LMBRD1: variants seen among roughly 807,000 people sequenced by gnomAD.
LMBRD1 encodes LMBR1 domain containing 1, also known as lysosomal cobalamin transport escort protein LMBD1.
In LMBRD1, 64 loss-of-function variants were observed where a neutral mutation model predicts 74.8. The observed-to-expected ratio is 0.86, with a 90% CI of 0.70 to 1.05. LMBRD1 has a LOEUF of 1.05. Ranked by LOEUF, LMBRD1 falls within the 50% of genes least tolerant of loss-of-function variation. LMBRD1 has a pLI of 0.00. For synonymous variants in LMBRD1, 204 were observed against 216.3 expected (o/e 0.94, Z 0.50); for missense variants, 652 against 645.9 (o/e 1.01, Z -0.10).
chr6:69,705,232 G>T, intron 9 of LMBRD1: 1 of 654,272 alleles, frequency 1.5e-6, no homozygotes, highest in Non-Finnish European at 2.9e-6. Flanking sequence ...GATATCAACT[G>T]CTACAGAAAT....
intron 3 of LMBRD1, among the ~76,000 whole-genome samples, chr6:69,756,018 G>T (rs942079969): frequency 6.6e-6 from 1 of 152,086 alleles, no homozygotes; most frequent in African/African-American, 2.4e-5. Context: ...TCAATAAAAA[G>T]ACAACTTTTT....
chr6:69,701,572 T>C, intron 10 of LMBRD1, 27 bp from the exon 11 acceptor site: 3 of 1,377,616 alleles, frequency 2.2e-6, no homozygotes, highest in Non-Finnish European at 3.1e-6. Context: ...AGAATGAAAT[T>C]TATGTTATAC....
At chr6:69,745,647 ACAT>A (rs1363176275) in intron 5 of LMBRD1, among the ~76,000 whole-genome samples, 1 of 152,186 alleles carries the variant, frequency 6.6e-6, no homozygotes, top group Admixed American at 6.5e-5. Context: ...AACACCTGAA[ACAT>A]CATATTACCC....
chr6:69,679,182 T>C (rs1765611406), intron 14 of LMBRD1, among the ~76,000 whole-genome samples: 1 of 152,166 alleles, frequency 6.6e-6, no homozygotes, highest in African/African-American at 2.4e-5. Flanking sequence ...AGAGTCTTTC[T>C]TCTCTTTATC....
chr6:69,771,824 T>C (rs1765583222), intron 3 of LMBRD1, among the ~76,000 whole-genome samples: 1 of 152,092 alleles, frequency 6.6e-6, no homozygotes, highest in African/African-American at 2.4e-5. Context: ...AAGACAGACT[T>C]CTGTGATAAC....
rs776873122 is a variant in LMBRD1 at position 69,675,574 on chromosome 6, T to G, written c.*584A>C. Among the ~76,000 whole-genome samples the G allele has an allele frequency of 2.0e-5, 3 of 152,182 alleles. No individual in the cohort carries two copies. Among genetic ancestry groups the G allele is most frequent in the Non-Finnish European group, 4.4e-5 (3 of 68,026 alleles). ...ACTGTAGAGGTTGTAAGTTATCTAA[T>G]GGACTGATATTTGAACAATATAACA... On this transcript the variant is annotated 3_prime_UTR_variant, in exon 16 of 16. Coordinates refer to ENST00000649934, the MANE Select transcript of LMBRD1 (RefSeq NM_018368.4).
chr6:69,680,096 A>C (rs184006513), intron 14 of LMBRD1, among the ~76,000 whole-genome samples: 1 of 152,266 alleles, frequency 6.6e-6, no homozygotes, highest in East Asian at 1.9e-4. Context: ...AAATTTGTAT[A>C]ATCAGTATCA....
intron 5 of LMBRD1, among the ~76,000 whole-genome samples, chr6:69,747,837 T>G (rs185558497): frequency 1.3e-5 from 2 of 152,228 alleles, no homozygotes; most frequent in African/African-American, 4.8e-5. Flanking sequence ...CTAGTTTTAT[T>G]AGCAAAAGCA....
Position 69,790,354 on chromosome 6 carries a change from A to G in LMBRD1, c.188T>C (p.Leu63Pro). ...AACCAAAAATATATCCACTGGTAGA[A>G]GTGCTGATGTGATAAGTGCAATTGC... The part of the protein sequence containing the change: ...SLAIALITSA[L>P]LPVDIFLVSY... The change falls in exon 2 of 16, where the codon CTT becomes CCT. Residue 63 changes from leucine (L) to proline (P), a missense_variant. Physicochemically the swap from Leu to Pro is moderately conservative, Grantham distance 98 (BLOSUM62 -3). Transcript: ENST00000649934. 6.2e-7 allele frequency: 1 copy of G among 1,613,606 alleles called. No homozygotes were observed. Among genetic ancestry groups the G allele is most frequent in the Non-Finnish European group, 8.5e-7 (1 of 1,179,572 alleles).
chr6:69,776,376 T>C (rs1247547236), intron 3 of LMBRD1, among the ~76,000 whole-genome samples: 3 of 152,180 alleles, frequency 2.0e-5, no homozygotes, highest in Non-Finnish European at 2.9e-5. Context: ...TTCTCCTCTA[T>C]GGAAAACTAG....
At chr6:69,782,782 G>A (rs183671246) in intron 2 of LMBRD1, among the ~76,000 whole-genome samples, 1 of 152,208 alleles carries the variant, frequency 6.6e-6, no homozygotes, top group Admixed American at 6.5e-5. Context: ...TTTGCCTAAT[G>A]TAGTTACAAA....
intron 9 of LMBRD1, among the ~76,000 whole-genome samples, chr6:69,710,114 A>C (rs1389628088): frequency 6.6e-6 from 1 of 152,060 alleles, no homozygotes; most frequent in Non-Finnish European, 1.5e-5. Context: ...ACTTCATGGC[A>C]GATTATAAAG....
chr6:69,691,875 C>CAA (rs34100007), intron 14 of LMBRD1, among the ~76,000 whole-genome samples: 1,672 of 64,276 alleles, frequency 0.026, 42 homozygotes, highest in Non-Finnish European at 0.035. Context: ...GACTCCGTCT[C>CAA]AAAAAAAAAA....
At chr6:69,738,738 T>C (rs1767030824) in intron 6 of LMBRD1, among the ~76,000 whole-genome samples, 1 of 152,074 alleles carries the variant, frequency 6.6e-6, no homozygotes, top group Non-Finnish European at 1.5e-5. Flanking sequence ...TGTAATAAAA[T>C]ACTATGCAAA....
intron 14 of LMBRD1, among the ~76,000 whole-genome samples, chr6:69,687,005 C>T (rs1765777446): frequency 6.6e-6 from 1 of 152,164 alleles, no homozygotes; most frequent in African/African-American, 2.4e-5. Flanking sequence ...AAGCCTTGGT[C>T]TATATACAAC....
chr6:69,790,293 T>A lies in LMBRD1; in HGVS notation c.246+3A>T. The A allele has an allele frequency of 6.3e-7, 1 of 1,595,228 alleles. No individual in the cohort carries two copies. Among genetic ancestry groups the A allele is most frequent in the Middle Eastern group, 1.7e-4 (1 of 6,042 alleles). ...AAAATCTGCAAAGTAAGATTATATT[T>A]ACCTTAAATGTACCATTTTGATTTT... is the stretch of plus-strand genomic sequence containing the variant. On this transcript the variant is annotated splice_donor_region_variant and intron_variant, in intron 2 of 15. Transcript: ENST00000649934.
At chr6:69,780,092 T>TATTAAAAG (rs2149892956) in intron 3 of LMBRD1, among the ~76,000 whole-genome samples, 1 of 150,598 alleles carries the variant, frequency 6.6e-6, no homozygotes, top group East Asian at 2.0e-4. Flanking sequence ...TGTATTGGCA[T>TATTAAAAG]ATTAAAAGGC....
intron 9 of LMBRD1, among the ~76,000 whole-genome samples, chr6:69,711,029 T>G (rs1263921172): frequency 1.3e-5 from 2 of 152,178 alleles, no homozygotes; most frequent in Admixed American, 6.6e-5. Flanking sequence ...TTATTCATTA[T>G]AGTCTCAAAC....
At chr6:69,723,886 TA>T (rs1766670084) in intron 7 of LMBRD1, among the ~76,000 whole-genome samples, 1 of 151,742 alleles carries the variant, frequency 6.6e-6, no homozygotes, top group Non-Finnish European at 1.5e-5. Context: ...GTTGGTTTTT[TA>T]AAAAGAAAAA....
Sources: allele counts gnomAD v4.1 joint callset (sites outside exome capture counted in the v4.1 genomes callset), GRCh38; gene constraint gnomAD v4.1.1; transcripts MANE v1.5; gene names NCBI Gene and HGNC (gene_info 2026-07-23, HGNC 2026-07-21).